Variants in ADAM9 observed in about 807,000 individuals in gnomAD.
ADAM9 encodes the protein ADAM metallopeptidase domain 9.
Under a neutral mutation model 108.1 loss-of-function variants are expected in ADAM9, and 54 were observed. The observed-to-expected ratio is 0.50, with a 90% CI of 0.40 to 0.63. The LOEUF (loss-of-function observed/expected upper bound fraction) is 0.63, where lower values mean the gene tolerates loss of function less well. Ranked by LOEUF, ADAM9 falls within the 20% of genes least tolerant of loss-of-function variation. The pLI, the probability that ADAM9 is intolerant of heterozygous loss-of-function variation, is 0.00. For synonymous variants in ADAM9, 316 were observed against 336.0 expected, an observed-to-expected ratio of 0.94 and a Z score of 0.65; for missense variants, 830 against 997.7, an observed-to-expected ratio of 0.83 and a Z score of 2.26.
chr8:39,083,219 A>G (rs1588422944), intron 18 of ADAM9, 146 bp downstream of exon 18: 3 of 682,704 alleles, frequency 4.4e-6, no homozygotes, highest in Non-Finnish European at 7.8e-6. Flanking sequence ...GACTGTTTCC[A>G]TTTTTCTCAT....
At chr8:39,008,425 C>T (rs776887914) in intron 2 of ADAM9, among the ~76,000 whole-genome samples, 34 of 152,300 alleles carry the variant, frequency 2.2e-4, no homozygotes, top group Non-Finnish European at 4.0e-4. Flanking sequence ...TCGCCTGCCT[C>T]GGCCTTGCAA....
At chr8:39,029,142 T>TG (rs1837020937) in intron 11 of ADAM9, among the ~76,000 whole-genome samples, 2 of 151,472 alleles carry the variant, frequency 1.3e-5, no homozygotes, top group South Asian at 4.2e-4. Context: ...TTTTTTTTTT[T>TG]TTTTGGTTGA....
intron 1 of ADAM9, among the ~76,000 whole-genome samples, chr8:39,002,563 C>T (rs374709797): frequency 1.6e-4 from 25 of 151,796 alleles, no homozygotes; most frequent in African/African-American, 5.8e-4. Context: ...CCTCGTGATC[C>T]GCCTGCCTCG....
At chr8:39,102,082 C>T (rs76436094) in intron 21 of ADAM9, 152 bp downstream of exon 21, 49,726 of 729,902 alleles carry the variant, frequency 0.068, 2,159 homozygotes, top group Non-Finnish European at 0.086. Context: ...TTTAAAATAA[C>T]TTTATATAAA....
intron 20 of ADAM9, among the ~76,000 whole-genome samples, chr8:39,095,883 C>T (rs1311614190): frequency 1.3e-5 from 2 of 152,088 alleles, no homozygotes; most frequent in Non-Finnish European, 2.9e-5. Flanking sequence ...TTTTTCATCT[C>T]TGTTTTTATT....
chr8:39,052,984 T>C (rs529527638), intron 12 of ADAM9, among the ~76,000 whole-genome samples: 1 of 152,342 alleles, frequency 6.6e-6, no homozygotes, highest in African/African-American at 2.4e-5. Context: ...TTTCATATCC[T>C]GACCAATACT....
At chr8:39,004,586 TAAGA>T (rs1836101882) in intron 1 of ADAM9, among the ~76,000 whole-genome samples, 1 of 152,176 alleles carries the variant, frequency 6.6e-6, no homozygotes, top group Admixed American at 6.5e-5. Context: ...GCATGTTTAT[TAAGA>T]AAGTAAAGGA....
chr8:39,026,943 C>A, intron 11 of ADAM9, 133 bp downstream of exon 11: 65 of 1,057,682 alleles, frequency 6.1e-5, no homozygotes, highest in Non-Finnish European at 8.5e-5. Flanking sequence ...AATTGCATGA[C>A]ATACCAATGA....
chr8:39,035,958 T>C (rs4495395), intron 11 of ADAM9, among the ~76,000 whole-genome samples: 57,723 of 151,958 alleles, frequency 0.38, 11,581 homozygotes, highest in African/African-American at 0.53. Flanking sequence ...CTTTCTTTTT[T>C]TGAGGGCATA....
chr8:38,996,989 C>T lies in ADAM9; in HGVS notation c.-75C>T, dbSNP rs1362601135. 1 of 1,549,814 alleles carries T rather than the reference C, an allele frequency of 6.5e-7. No homozygotes were observed. Among genetic ancestry groups the T allele is most frequent in the African/African-American group, 1.4e-5 (1 of 73,518 alleles). ...TTCCCGGCCAGACTTGGGGCCCCGGCAGGGTTGGAAAATGATGGAAGAGGC... is the reference window on the plus strand; with the variant it reads ...TTCCCGGCCAGACTTGGGGCCCCGGTAGGGTTGGAAAATGATGGAAGAGGC... On this transcript the variant is annotated 5_prime_UTR_variant, in exon 1 of 22. Transcript: ENST00000487273.
At chr8:39,028,521 T>C (rs1270360454) in intron 11 of ADAM9, among the ~76,000 whole-genome samples, 1 of 152,088 alleles carries the variant, frequency 6.6e-6, no homozygotes, top group Non-Finnish European at 1.5e-5. Context: ...ATGAGATAAG[T>C]CATAGATTAA....
chr8:39,025,480 C>T (rs192260240), intron 9 of ADAM9, among the ~76,000 whole-genome samples: 1 of 152,190 alleles, frequency 6.6e-6, no homozygotes, highest in African/African-American at 2.4e-5. Flanking sequence ...ATCTGTCTCT[C>T]CTCACTAAAA....
intron 7 of ADAM9, among the ~76,000 whole-genome samples, chr8:39,020,405 T>G (rs556711708): frequency 6.6e-6 from 1 of 152,334 alleles, no homozygotes; most frequent in Non-Finnish European, 1.5e-5. Flanking sequence ...TTTTCTTGTT[T>G]AGGAGGATCA....
intron 12 of ADAM9, among the ~76,000 whole-genome samples, chr8:39,048,614 C>T (rs1035365417): frequency 2.6e-5 from 4 of 152,060 alleles, no homozygotes; most frequent in Non-Finnish European, 5.9e-5. Context: ...TGTTCAAGTC[C>T]TGTGTTTCCG....
intron 2 of ADAM9, 108 bp downstream of exon 2, chr8:39,008,091 C>T (rs1588324517): frequency 1.2e-6 from 1 of 823,608 alleles, no homozygotes; most frequent in East Asian, 2.6e-5. Context: ...TATTACTTGG[C>T]TGTTACTTAG....
At chr8:39,089,876 C>T (rs939872858) in intron 18 of ADAM9, 171 bp from the exon 19 acceptor site, 5 of 694,876 alleles carry the variant, frequency 7.2e-6, no homozygotes, top group African/African-American at 5.4e-5. Context: ...TTTGTGAAGG[C>T]AGAAGTAAAG....
chr8:39,095,723 A>G lies in ADAM9; in HGVS notation c.2298+4377A>G, dbSNP rs1245626346. ...ATCTGTTGTTGAAAGTGAAGTATTG[A>G]AGTTTCCTAGTAGTATTGGGTTGCT... is the stretch of plus-strand genomic sequence containing the variant. On this transcript the variant is annotated intron_variant, in intron 20 of 21. Coordinates refer to ENST00000487273, the MANE Select transcript of ADAM9 (RefSeq NM_003816.3). 2.0e-5 allele frequency among the ~76,000 whole-genome samples: 3 copies of G among 152,112 alleles called. No individual in the cohort carries two copies. The East Asian group carries it at 5.8e-4, about 29-fold the overall frequency.
chr8:39,021,556 T>G, intron 7 of ADAM9, 87 bp from the exon 8 acceptor site: 1 of 1,203,858 alleles, frequency 8.3e-7, no homozygotes, highest in Non-Finnish European at 1.2e-6. Flanking sequence ...AATGCTAGAA[T>G]TACAGGCATG....
Position 39,105,117 on chromosome 8 carries a change from C to T in ADAM9, c.*1417C>T. The T allele has an allele frequency of 2.5e-6, 1 of 405,004 alleles. No homozygotes were observed. The allele number at this position is 405,004 out of a possible 1,614,324, so 25.1% of individuals were successfully genotyped here. ...TTACAGATATTATCTCACTAATTTT[C>T]AGACTTTTGCCAAAGTGTGCACAAT... On this transcript the variant is annotated 3_prime_UTR_variant, in exon 22 of 22. Coordinates refer to ENST00000487273, the MANE Select transcript of ADAM9 (RefSeq NM_003816.3).
Sources: allele counts gnomAD v4.1 joint callset (sites outside exome capture counted in the v4.1 genomes callset), GRCh38; gene constraint gnomAD v4.1.1; transcripts MANE v1.5; gene names NCBI Gene and HGNC (gene_info 2026-07-23, HGNC 2026-07-21).